The following PTPRG variants were observed in gnomAD, a reference collection of about 807,000 sequenced individuals.
PTPRG encodes receptor-type tyrosine-protein phosphatase gamma.
PTPRG carries 102 observed loss-of-function variants against 165.3 expected under a neutral mutation model. The ratio of observed to expected loss-of-function variants is 0.62; its 90% CI spans 0.53 to 0.73. The LOEUF is 0.73. PTPRG is among the 30% of genes least tolerant of loss of function. The probability of loss-of-function intolerance (pLI) is 0.00; values close to 1 mark genes in which losing one functional copy is unlikely to be tolerated. For missense variants in PTPRG, 1,866 were observed against 1,861.4 expected, an observed-to-expected ratio of 1.00 and a Z score of -0.05; for synonymous variants, 675 against 669.5, an observed-to-expected ratio of 1.01 and a Z score of -0.13.
chr3:62,211,743 C>T (rs953491517), intron 12 of PTPRG, among the ~76,000 whole-genome samples: 7 of 152,134 alleles, frequency 4.6e-5, no homozygotes, highest in Non-Finnish European at 4.4e-5. Context: ...AGTCTTGACA[C>T]CAGAGCGGTT....
chr3:61,979,907 G>A (rs1347599242), intron 2 of PTPRG, among the ~76,000 whole-genome samples: 2 of 152,110 alleles, frequency 1.3e-5, no homozygotes, highest in East Asian at 3.9e-4. Context: ...TTGAGTGAGT[G>A]CCTTGTAAAA....
intron 1 of PTPRG, among the ~76,000 whole-genome samples, chr3:61,568,479 GACCATTTC>G (rs758419993): frequency 4.6e-5 from 7 of 152,128 alleles, no homozygotes; most frequent in Non-Finnish European, 1.0e-4. Flanking sequence ...TAATTGGAGG[GACCATTTC>G]ACCTGGTATC....
Position 62,113,701 on chromosome 3 carries a change from C to T in PTPRG, c.616-18901C>T, listed in dbSNP as rs544570743. Among the ~76,000 whole-genome samples the T allele has an allele frequency of 4.0e-4, 61 of 152,210 alleles. 1 individual carries two copies. The highest frequency in any genetic ancestry group is 6.8e-3 in the Middle Eastern group (2 of 294). On this transcript the variant is annotated intron_variant, in intron 5 of 29. Coordinates refer to ENST00000474889, the MANE Select transcript of PTPRG (RefSeq NM_002841.4). ...CCAGTAAGGTTTGCCTTTCTGCTGT[C>T]GGAAGTTTTAAAAACACTTACAAAT...
chr3:61,913,455 G>A (rs951632305), intron 2 of PTPRG, among the ~76,000 whole-genome samples: 2 of 152,240 alleles, frequency 1.3e-5, no homozygotes, highest in East Asian at 1.9e-4. Context: ...TCCTGACCTC[G>A]TGATCCGCCT....
At chr3:62,282,440 GGTGGGTCTT>G (rs1176667756) in intron 27 of PTPRG, among the ~76,000 whole-genome samples, 1 of 150,016 alleles carries the variant, frequency 6.7e-6, no homozygotes, top group African/African-American at 2.5e-5. Flanking sequence ...GTGTTGCCCA[GGTGGGTCTT>G]GAACTCCTGG....
chr3:61,793,588 T>A (rs559759094), intron 2 of PTPRG, among the ~76,000 whole-genome samples: 1 of 152,332 alleles, frequency 6.6e-6, no homozygotes, highest in East Asian at 1.9e-4. Context: ...TACATTTATG[T>A]TCTTTTCTAT....
chr3:62,276,822 A>T, intron 24 of PTPRG, 150 bp from the exon 25 acceptor site: 1 of 625,740 alleles, frequency 1.6e-6, no homozygotes, highest in South Asian at 2.1e-5. Context: ...GCCTCAGCTG[A>T]TAACACTTTA....
At chr3:62,047,766 C>A (rs1700343902) in intron 4 of PTPRG, among the ~76,000 whole-genome samples, 1 of 152,182 alleles carries the variant, frequency 6.6e-6, no homozygotes, top group Admixed American at 6.5e-5. Flanking sequence ...ACCCCTTCGT[C>A]CTAGATATAA....
chr3:61,825,875 T>G (rs1381696806), intron 2 of PTPRG, among the ~76,000 whole-genome samples: 2 of 152,162 alleles, frequency 1.3e-5, no homozygotes, highest in Non-Finnish European at 2.9e-5. Flanking sequence ...TGTCTCAAAC[T>G]TCTAGACTCA....
Position 61,704,505 on chromosome 3 carries a change from G to C in PTPRG, c.86-44373G>C, listed in dbSNP as rs150801668. ...GTGTCAGTTTGGCCTCTGTTCACTA[G>C]ATAGCTCCAGTGTGGTAATAAAAAA... On this transcript the variant is annotated intron_variant, in intron 1 of 29. Coordinates refer to ENST00000474889, the MANE Select transcript of PTPRG (RefSeq NM_002841.4). 2.0e-5 allele frequency among the ~76,000 whole-genome samples: 3 copies of C among 152,226 alleles called. No individual in the cohort carries two copies. In the East Asian group the frequency reaches 5.8e-4, roughly 29 times the overall value.
chr3:61,748,929 C>A lies in PTPRG; in HGVS notation c.137C>A (p.Ala46Glu), dbSNP rs1362950993. The A allele has an allele frequency of 6.2e-7, 1 of 1,612,634 alleles. No homozygotes were observed. Among genetic ancestry groups the A allele is most frequent in the Non-Finnish European group, 8.5e-7 (1 of 1,179,472 alleles). Reference protein sequence around the residue: ...GALHENRHGSAVQIRRRKASG... With the variant: ...GALHENRHGSEVQIRRRKASG... ...CTGCACGAGAATAGACACGGCAGCG[C>A]AGTGCAGATCCGCAGGCGCAAGGCT... The change falls in exon 2 of 30, where the codon GCA becomes GAA. Residue 46 changes from alanine (A) to glutamate (E), a missense_variant. Ala to Glu is a moderately radical substitution (Grantham distance 107, BLOSUM62 -1). Coordinates refer to ENST00000474889, the MANE Select transcript of PTPRG (RefSeq NM_002841.4).
chr3:61,855,064 C>A (rs928051612), intron 2 of PTPRG, among the ~76,000 whole-genome samples: 1 of 152,082 alleles, frequency 6.6e-6, no homozygotes, highest in South Asian at 2.1e-4. Context: ...AGAAGGTGAA[C>A]GCAGTTACTG....
rs1703544126 is a variant in PTPRG at position 62,132,275 on chromosome 3, T to C, written c.616-327T>C. On this transcript the variant is annotated intron_variant, in intron 5 of 29. Coordinates refer to ENST00000474889, the MANE Select transcript of PTPRG (RefSeq NM_002841.4). ...TGGATTGCTCTCTCATGACTTTCAATGACTTTTTAGCCGATTGGGCCTACT... is the reference window on the plus strand; with the variant it reads ...TGGATTGCTCTCTCATGACTTTCAACGACTTTTTAGCCGATTGGGCCTACT... Among the ~76,000 whole-genome samples the C allele has an allele frequency of 2.0e-5, 3 of 152,218 alleles. No homozygotes were observed. In the South Asian group the frequency reaches 6.2e-4, roughly 32 times the overall value.
chr3:61,949,823 C>G (rs1031473654), intron 2 of PTPRG, among the ~76,000 whole-genome samples: 2 of 152,050 alleles, frequency 1.3e-5, no homozygotes, highest in African/African-American at 4.8e-5. Flanking sequence ...TCTCGGCTCA[C>G]TGCAACCTCC....
chr3:61,977,187 C>T (rs1191101374), intron 2 of PTPRG, among the ~76,000 whole-genome samples: 2 of 145,488 alleles, frequency 1.4e-5, no homozygotes, highest in African/African-American at 2.6e-5. Flanking sequence ...ATATTTCTGC[C>T]CTCCCCCACC....
At chr3:61,747,609 G>T (rs927752957) in intron 1 of PTPRG, among the ~76,000 whole-genome samples, 1 of 150,598 alleles carries the variant, frequency 6.6e-6, no homozygotes, top group Non-Finnish European at 1.5e-5. Flanking sequence ...TAATTGAAGT[G>T]TAAGCATAAA....
chr3:61,820,079 T>C (rs938155880), intron 2 of PTPRG, among the ~76,000 whole-genome samples: 26 of 152,124 alleles, frequency 1.7e-4, no homozygotes, highest in African/African-American at 6.3e-4. Context: ...GAATCACTCA[T>C]TTGAAATTTT....
At chr3:61,773,766 T>C (rs1327574754) in intron 2 of PTPRG, among the ~76,000 whole-genome samples, 1 of 149,556 alleles carries the variant, frequency 6.7e-6, no homozygotes, top group East Asian at 2.2e-4. Flanking sequence ...GTTAAAACCT[T>C]CTCCCCCATT....
chr3:61,689,330 T>A (rs2030002426), intron 1 of PTPRG, among the ~76,000 whole-genome samples: 1 of 152,232 alleles, frequency 6.6e-6, no homozygotes, highest in African/African-American at 2.4e-5. Context: ...CAAAACAAGA[T>A]AATTTCTTTA....
Sources: allele counts gnomAD v4.1 joint callset (sites outside exome capture counted in the v4.1 genomes callset), GRCh38; gene constraint gnomAD v4.1.1; transcripts MANE v1.5; gene names NCBI Gene and HGNC (gene_info 2026-07-23, HGNC 2026-07-21).